AMZ1: variants seen among roughly 807,000 people sequenced by gnomAD.
The protein encoded by AMZ1 is archaelysin family metallopeptidase 1.
AMZ1 carries 39 observed loss-of-function variants against 29.9 expected under a neutral mutation model. The observed-to-expected ratio is 1.30, with a 90% confidence interval of 1.01 to 1.70. The LOEUF (loss-of-function observed/expected upper bound fraction) is 1.70, where lower values mean the gene tolerates loss of function less well. Among genes scored for constraint, AMZ1 ranks in the 40% most tolerant of loss-of-function variants. AMZ1 has a pLI of 0.00. For missense variants in AMZ1, 1,041 were observed against 680.6 expected (o/e 1.53, Z -5.89); for synonymous variants, 458 against 304.0 (o/e 1.51, Z -5.27).
At chr7:2,705,272 G>A (rs528575953) in intron 3 of AMZ1, among the ~76,000 whole-genome samples, 29 of 152,280 alleles carry the variant, frequency 1.9e-4, no homozygotes, top group African/African-American at 7.0e-4. Context: ...CCCTCCCAGG[G>A]CAGGAAGCAT....
At chr7:2,727,029 G>A (rs1441660533) in intron 4 of AMZ1, among the ~76,000 whole-genome samples, 1 of 152,322 alleles carries the variant, frequency 6.6e-6, no homozygotes, top group East Asian at 1.9e-4. Context: ...ATGCTGCCAT[G>A]CCATGCTTTA....
chr7:2,708,234 T>G (rs149910080), intron 3 of AMZ1, among the ~76,000 whole-genome samples: 1,847 of 152,296 alleles, frequency 0.012, 31 homozygotes, highest in African/African-American at 0.042. Flanking sequence ...GACTCACAGG[T>G]CCCAGGGCTG....
upstream of AMZ1, among the ~76,000 whole-genome samples, chr7:2,685,855 G>GAAAAAAAAAAAAAAAAAAAAAAAAA (rs10710624): frequency 2.3e-5 from 2 of 86,762 alleles, no homozygotes; most frequent in Non-Finnish European, 2.4e-5. Flanking sequence ...TCCGTCTCAA[G>GAAAAAAAAAAAAAAAAAAAAAAAAA]AAAAAAAAAA....
chr7:2,758,619 G>C (rs1791410769), intron 4 of AMZ1, among the ~76,000 whole-genome samples: 1 of 152,142 alleles, frequency 6.6e-6, no homozygotes, highest in Non-Finnish European at 1.5e-5. Context: ...CAAGGAACCT[G>C]GGGGAACCCC....
At chr7:2,763,027 C>T (rs1437670104), upstream of AMZ1, 1 of 1,263,388 alleles carries the variant, frequency 7.9e-7, no homozygotes, top group Non-Finnish European at 9.9e-7. Flanking sequence ...GGCCACTGGC[C>T]CAGGACTCAG....
intron 3 of AMZ1, among the ~76,000 whole-genome samples, chr7:2,708,178 C>T (rs1224111610): frequency 2.0e-5 from 3 of 152,168 alleles, no homozygotes; most frequent in East Asian, 3.9e-4. Flanking sequence ...AGAAAAACGC[C>T]TCCATCCCAA....
chr7:2,732,943 G>A (rs1055675480), intron 4 of AMZ1, among the ~76,000 whole-genome samples: 2 of 152,206 alleles, frequency 1.3e-5, no homozygotes, highest in East Asian at 3.8e-4. Context: ...AGACAACAGG[G>A]AAAATCTCTA....
At chr7:2,692,629 G>C (rs1441348833) in intron 1 of AMZ1, among the ~76,000 whole-genome samples, 1 of 152,074 alleles carries the variant, frequency 6.6e-6, no homozygotes, top group Non-Finnish European at 1.5e-5. Context: ...GGTTTCCTGG[G>C]CGCCTCTTCC....
At chr7:2,733,354 A>G in intron 4 of AMZ1, 1 of 940,918 alleles carries the variant, frequency 1.1e-6, no homozygotes. Flanking sequence ...TCGGCCTGTC[A>G]GTCCAGCCAA....
upstream of AMZ1, chr7:2,762,766 T>A (rs1791624294): frequency 1.9e-6 from 3 of 1,548,260 alleles, no homozygotes; most frequent in Non-Finnish European, 2.6e-6. Flanking sequence ...GGCCCGTCCT[T>A]TCCACCCAGG....
At chr7:2,698,562 C>T (rs551127893) in intron 1 of AMZ1, among the ~76,000 whole-genome samples, 14 of 151,400 alleles carry the variant, frequency 9.2e-5, no homozygotes, top group South Asian at 2.1e-4. Flanking sequence ...AGTTGGGGCT[C>T]GGGGGGTCTG....
upstream of AMZ1, chr7:2,762,480 T>C: frequency 2.9e-6 from 2 of 697,108 alleles, no homozygotes; most frequent in Non-Finnish European, 2.2e-6. Flanking sequence ...CCCACCCGTG[T>C]GCGGGGCCTG....
At chr7:2,762,614 C>G (rs774372084), upstream of AMZ1, 1 of 1,539,216 alleles carries the variant, frequency 6.5e-7, no homozygotes, top group African/African-American at 1.4e-5. Flanking sequence ...AATCCCCTTC[C>G]GGATAAGACC....
chr7:2,762,306 C>T, upstream of AMZ1: 1 of 291,210 alleles, frequency 3.4e-6, no homozygotes, highest in Non-Finnish European at 6.3e-6. Context: ...CGTGCACCCA[C>T]CACTCACGCC....
intron 1 of AMZ1, among the ~76,000 whole-genome samples, chr7:2,680,678 C>T (rs866080703): frequency 5.3e-5 from 8 of 152,236 alleles, no homozygotes; most frequent in Non-Finnish European, 8.8e-5. Context: ...GTCTCTTGGA[C>T]GAAGCCGCTG....
chr7:2,719,849 A>AT (rs1340726938), downstream of AMZ1, among the ~76,000 whole-genome samples: 1 of 152,030 alleles, frequency 6.6e-6, no homozygotes, highest in African/African-American at 2.4e-5. Flanking sequence ...TGCCCGGCTA[A>AT]TTTTTGTATT....
chr7:2,745,083 G>A (rs986228208), intron 4 of AMZ1, among the ~76,000 whole-genome samples: 1 of 152,180 alleles, frequency 6.6e-6, no homozygotes, highest in Admixed American at 6.5e-5. Flanking sequence ...GAACCAAGTT[G>A]GAAAACACTC....
chr7:2,743,154 C>T (rs1297768190), intron 4 of AMZ1, among the ~76,000 whole-genome samples: 1 of 152,170 alleles, frequency 6.6e-6, no homozygotes, highest in Non-Finnish European at 1.5e-5. Context: ...TAAACTTTGC[C>T]TAAGAGCCTG....
chr7:2,694,872 C>T (rs1236633806), intron 1 of AMZ1, among the ~76,000 whole-genome samples: 5 of 152,018 alleles, frequency 3.3e-5, no homozygotes, highest in Non-Finnish European at 5.9e-5. Flanking sequence ...AGGGTTTCAC[C>T]ATGTTGGCCA....
Sources: allele counts gnomAD v4.1 joint callset (sites outside exome capture counted in the v4.1 genomes callset), GRCh38; gene constraint gnomAD v4.1.1; transcripts MANE v1.5; gene names NCBI Gene and HGNC (gene_info 2026-07-23, HGNC 2026-07-21).